The following SEPTIN8 variants were observed in gnomAD, a reference collection of about 807,000 sequenced individuals.
SEPTIN8 encodes the protein septin 8, also known as septin-8.
SEPTIN8 carries 22 observed loss-of-function variants against 53.1 expected under a neutral mutation model. The observed-to-expected ratio is 0.41, with a 90% confidence interval of 0.30 to 0.59. SEPTIN8 has a LOEUF of 0.59. Among genes scored for constraint, SEPTIN8 ranks in the 20% least tolerant of loss-of-function variants. The pLI, the probability that SEPTIN8 is intolerant of heterozygous loss-of-function variation, is 0.24. For missense variants in SEPTIN8, 536 were observed against 638.7 expected, an observed-to-expected ratio of 0.84 and a Z score of 1.73; for synonymous variants, 228 against 248.4, an observed-to-expected ratio of 0.92 and a Z score of 0.77.
intron 1 of SEPTIN8, among the ~76,000 whole-genome samples, chr5:132,768,281 G>A (rs1056272383): frequency 5.3e-5 from 8 of 151,704 alleles, no homozygotes; most frequent in African/African-American, 9.7e-5. Context: ...AGGAGCCCCG[G>A]GGACCAGTCA....
At chr5:132,757,327 T>C (rs576619365) in intron 9 of SEPTIN8, 6 of 985,462 alleles carry the variant, frequency 6.1e-6, no homozygotes, top group Non-Finnish European at 7.2e-6. Flanking sequence ...AAAGGCTGCC[T>C]CTTCCTGGCC....
Position 132,761,952 on chromosome 5 carries a change from C to A in SEPTIN8, c.697-56G>T. 6.9e-7 allele frequency: 1 copy of A among 1,457,588 alleles called. No individual in the cohort carries two copies. The highest frequency in any genetic ancestry group is 2.5e-5 in the East Asian group (1 of 40,334). 90.3% of individuals were successfully genotyped at this position (1,457,588 alleles called of 1,614,324 possible). On this transcript the variant is annotated intron_variant, in intron 5 of 9. Transcript: ENST00000378719. The surrounding 1 kb of genome is among the most constrained non-coding windows in gnomAD (Gnocchi z 5.8). Reference sequence around the variant, plus strand: ...TGAGCTGACACAGACTAATGGCAGACTCTCCCTCCCTGCCCCTGGGTCCTA... The same window carrying A: ...TGAGCTGACACAGACTAATGGCAGAATCTCCCTCCCTGCCCCTGGGTCCTA...
chr5:132,751,898 A>G lies in SEPTIN8; in HGVS notation c.*118T>C. ...CCTGATGGAAATTTAAATTGTTTGCACTTTTGATCATTGATATAGGAAAAG... is the reference window on the plus strand; with the variant it reads ...CCTGATGGAAATTTAAATTGTTTGCGCTTTTGATCATTGATATAGGAAAAG... On this transcript the variant is annotated 3_prime_UTR_variant, in exon 10 of 10. Coordinates refer to ENST00000378719, the MANE Select transcript of SEPTIN8 (RefSeq NM_001098811.2). 6.6e-7 allele frequency: 1 copy of G among 1,506,138 alleles called. No individual in the cohort carries two copies. The highest frequency in any genetic ancestry group is 1.2e-5 in the South Asian group (1 of 82,970). 93.3% of individuals were successfully genotyped at this position (1,506,138 alleles called of 1,614,324 possible). A position where few individuals can be genotyped will look rare whatever the true frequency, so the allele number is the denominator to read the frequency against.
Position 132,760,740 on chromosome 5 carries a change from A to G in SEPTIN8, c.1286+62T>C, listed in dbSNP as rs763699896. The G allele has an allele frequency of 1.5e-4, 230 of 1,502,074 alleles. No individual in the cohort carries two copies. Among genetic ancestry groups the G allele is most frequent in the Non-Finnish European group, 1.9e-4 (207 of 1,102,172 alleles). 93.0% of individuals were successfully genotyped at this position (1,502,074 alleles called of 1,614,324 possible). On this transcript the variant is annotated intron_variant, in intron 9 of 9. Coordinates refer to ENST00000378719, the MANE Select transcript of SEPTIN8 (RefSeq NM_001098811.2). This position sits in a 1 kb window ranked among gnomAD's most constrained non-coding sequence, Gnocchi z 5.2. ...AGAGCGAGAAGGGAGGTGAGGGACA[A>G]GAACGAAAGCAAGAGCCCACAGGAG... is the stretch of plus-strand genomic sequence containing the variant.
intron 9 of SEPTIN8, 116 bp from the exon 10 acceptor site, chr5:132,752,297 A>T (rs760380394): frequency 2.2e-4 from 288 of 1,338,206 alleles, no homozygotes; most frequent in Non-Finnish European, 2.8e-4. Context: ...AGCCTCTGGA[A>T]AATGTTCTGG....
chr5:132,764,129 G>T, intron 3 of SEPTIN8, 95 bp downstream of exon 3: 2 of 1,321,826 alleles, frequency 1.5e-6, no homozygotes, highest in Non-Finnish European at 2.1e-6. Context: ...GGCCCTCCCT[G>T]GCCCCCTGCA....
At chr5:132,758,659 A>G in intron 9 of SEPTIN8, 1 of 1,592,500 alleles carries the variant, frequency 6.3e-7, no homozygotes, top group Non-Finnish European at 8.6e-7. Flanking sequence ...GCCTGGGGCC[A>G]GGGTCGGTGG....
At position 132,760,370 on chromosome 5, in the gene SEPTIN8, T is replaced by C. The variant is rs1443407111; in HGVS notation, c.1286+432A>G. Among the ~76,000 whole-genome samples the C allele has an allele frequency of 6.6e-6, 1 of 152,104 alleles. No homozygotes were observed. Among genetic ancestry groups the C allele is most frequent in the African/African-American group, 2.4e-5 (1 of 41,424 alleles). On this transcript the variant is annotated intron_variant, in intron 9 of 9. Coordinates refer to ENST00000378719, the MANE Select transcript of SEPTIN8 (RefSeq NM_001098811.2). This position sits in a 1 kb window ranked among gnomAD's most constrained non-coding sequence, Gnocchi z 5.2. ...ACCATTCCCAGCATTCCCAGAGCCC[T>C]GCAGCTTCGCCCTCTCCACGCTGCT...
intron 1 of SEPTIN8, among the ~76,000 whole-genome samples, chr5:132,770,866 T>C (rs1294673590): frequency 1.3e-5 from 2 of 152,232 alleles, no homozygotes; most frequent in Non-Finnish European, 2.9e-5. Context: ...CTCTGAGCTC[T>C]ACATATGCAA....
chr5:132,774,668 G>T (rs181223356), intron 1 of SEPTIN8, among the ~76,000 whole-genome samples: 2 of 152,284 alleles, frequency 1.3e-5, no homozygotes, highest in East Asian at 3.9e-4. Flanking sequence ...CCATCTCAAA[G>T]TACAACTCTG....
chr5:132,752,229 G>A (rs754315732), intron 9 of SEPTIN8, 48 bp from the exon 10 acceptor site: 2 of 1,539,650 alleles, frequency 1.3e-6, no homozygotes, highest in Non-Finnish European at 1.8e-6. Flanking sequence ...ACCAGGCTCT[G>A]TGTTTTGCCC....
At chr5:132,759,159 C>T (rs1456233903) in intron 9 of SEPTIN8, among the ~76,000 whole-genome samples, 1 of 152,194 alleles carries the variant, frequency 6.6e-6, no homozygotes, top group African/African-American at 2.4e-5. Flanking sequence ...TTGACCAGGG[C>T]GGCAGGAAGG....
At position 132,765,414 on chromosome 5, in the gene SEPTIN8, C is replaced by G. The variant is rs1274051298; in HGVS notation, c.146G>C (p.Cys49Ser). ...VTQGFSFNIL[C>S]VGETGIGKST... is the part of the protein sequence containing the mutation. ...GGCCAGGCCCTGACACTCACCCACA[C>G]AGAGGATGTTGAAGCTGAAGCCCTG... The change falls in exon 2 of 10, where the codon TGT becomes TCT. Residue 49 changes from cysteine (C) to serine (S), a missense_variant. Cys to Ser is a moderately radical substitution (Grantham distance 112, BLOSUM62 -1). Transcript: ENST00000378719. 1 of 1,613,550 alleles carries G rather than the reference C, an allele frequency of 6.2e-7. No homozygotes were observed. The highest frequency in any genetic ancestry group is 1.3e-5 in the African/African-American group (1 of 74,884).
At position 132,751,827 on chromosome 5, in the gene SEPTIN8, G is replaced by T. The variant is rs908430097; in HGVS notation, c.*189C>A. 5 of 1,045,508 alleles carry T rather than the reference G, an allele frequency of 4.8e-6. No individual in the cohort carries two copies. In the Admixed American group the frequency reaches 9.4e-5, roughly 20 times the overall value. 64.8% of individuals were successfully genotyped at this position (1,045,508 alleles called of 1,614,324 possible). The stretch of plus-strand genomic sequence containing the variant: ...GGGCATTAAGCCTCAAGCCCCTTAC[G>T]GAGCCATGGATAGGAATGAAAAGGG... On this transcript the variant is annotated 3_prime_UTR_variant, in exon 10 of 10. Coordinates refer to ENST00000378719, the MANE Select transcript of SEPTIN8 (RefSeq NM_001098811.2).
intron 9 of SEPTIN8, 84 bp from the exon 10 acceptor site, chr5:132,752,265 A>G: frequency 1.4e-6 from 2 of 1,472,376 alleles, no homozygotes; most frequent in Non-Finnish European, 1.8e-6. Context: ...TCTGACCCCA[A>G]AGGGGTACCC....
In SEPTIN8 at chr5:132,761,691, T is replaced by C. The variant is rs1223348052; in HGVS notation, c.794-65A>G. ...AGGCGGGCACACTCCAGAGTCAGGG[T>C]AGGCACGCAGGTGGGCATGAGGAGG... On this transcript the variant is annotated intron_variant, in intron 6 of 9. Coordinates refer to ENST00000378719, the MANE Select transcript of SEPTIN8 (RefSeq NM_001098811.2). This position sits in a 1 kb window ranked among gnomAD's most constrained non-coding sequence, Gnocchi z 5.8. 9 of 1,597,118 alleles carry C rather than the reference T, an allele frequency of 5.6e-6. No individual in the cohort carries two copies. The highest frequency in any genetic ancestry group is 7.7e-6 in the Non-Finnish European group (9 of 1,170,318).
chr5:132,752,100 G>C lies in SEPTIN8; in HGVS notation c.1368C>G (p.Pro456=), dbSNP rs973245890. 7.5e-6 allele frequency: 12 copies of C among 1,600,878 alleles called. No homozygotes were observed. The highest frequency in any genetic ancestry group is 1.0e-5 in the Non-Finnish European group (12 of 1,173,630). Residue 456 remains proline (P), a synonymous_variant, in exon 10 of 10, where the codon CCC becomes CCG. Transcript: ENST00000378719. ...CGGGCCACCAGCTGCTGCAGTTCAAGGGCTCCACACTGGCCTTGGTCATCA... is the reference window on the plus strand; with the variant it reads ...CGGGCCACCAGCTGCTGCAGTTCAACGGCTCCACACTGGCCTTGGTCATCA... ...KVMMTKASVE[P]LNCSSWWPAI...
At chr5:132,757,634 A>G (rs1755466455) in intron 9 of SEPTIN8, 1 of 985,438 alleles carries the variant, frequency 1.0e-6, no homozygotes, top group South Asian at 4.7e-5. Flanking sequence ...CGGTGCTTCA[A>G]CATTAAAACT....
At chr5:132,770,073 A>ATATATG (rs1581186823) in intron 1 of SEPTIN8, among the ~76,000 whole-genome samples, 4 of 63,478 alleles carry the variant, frequency 6.3e-5, no homozygotes, top group Admixed American at 2.1e-4. Context: ...GTATATATAT[A>ATATATG]TATATATGTA....
Sources: gnomAD v4.1 joint callset for allele counts (sites outside exome capture counted in the v4.1 genomes callset) on GRCh38, gnomAD v4.1.1 for gene constraint, Gnocchi (gnomAD v3.1) non-coding constraint, MANE v1.5 for transcripts, NCBI Gene and HGNC (gene_info 2026-07-23, HGNC 2026-07-21) for gene names.